CUBN: variants seen among roughly 807,000 people sequenced by gnomAD.
CUBN encodes 460 kDa receptor.
A neutral mutation model predicts 405.3 loss-of-function variants in CUBN; 282 were observed. That is an observed-to-expected ratio of 0.70 (90% CI 0.63 to 0.77). The LOEUF (loss-of-function observed/expected upper bound fraction) is 0.77, where lower values mean the gene tolerates loss of function less well. Ranked by LOEUF, CUBN falls within the 30% of genes least tolerant of loss-of-function variation. CUBN has a pLI of 0.00. For missense variants in CUBN, 4,514 were observed against 4,475.2 expected (o/e 1.01, Z -0.25); for synonymous variants, 1,684 against 1,617.0 (o/e 1.04, Z -0.99).
chr10:16,844,233 C>T (rs1359105662), intron 60 of CUBN, among the ~76,000 whole-genome samples: 1 of 142,122 alleles, frequency 7.0e-6, no homozygotes, highest in Non-Finnish European at 1.5e-5. Context: ...CGCACCACTG[C>T]ATTCCAGCCT....
intron 22 of CUBN, among the ~76,000 whole-genome samples, chr10:17,054,210 A>C (rs1395424322): frequency 6.6e-6 from 1 of 151,816 alleles, no homozygotes; most frequent in Non-Finnish European, 1.5e-5. Flanking sequence ...GAGCGCCTGT[A>C]ATCCCAGCTA....
chr10:16,901,960 C>T (rs1379169783), intron 51 of CUBN, among the ~76,000 whole-genome samples: 3 of 128,136 alleles, frequency 2.3e-5, no homozygotes, highest in Non-Finnish European at 5.0e-5. Context: ...TATATATATA[C>T]ACCATATATA....
At position 16,888,683 on chromosome 10, in the gene CUBN, C is replaced by T. The variant is rs1840896062; in HGVS notation, c.8756-117G>A. 12 of 856,896 alleles carry T rather than the reference C, an allele frequency of 1.4e-5. No individual in the cohort carries two copies. In the Admixed American group the frequency reaches 1.9e-4, roughly 14 times the overall value. The allele number at this position is 856,896 out of a possible 1,614,324, so 53.1% of individuals were successfully genotyped here. ...ATAGACATAGTTCCCTGAGATATTC[C>T]AAATGGAAGAAGCAAGAATGAAGAG... On this transcript the variant is annotated intron_variant, in intron 55 of 66. Coordinates refer to ENST00000377833, the MANE Select transcript of CUBN (RefSeq NM_001081.4).
chr10:16,942,828 A>C (rs1371309648), intron 36 of CUBN, among the ~76,000 whole-genome samples: 1 of 136,906 alleles, frequency 7.3e-6, no homozygotes, highest in African/African-American at 2.8e-5. Context: ...GGGAAGGGAA[A>C]AGGAAGGGAA....
chr10:16,942,996 T>C lies in CUBN; in HGVS notation c.5343-2759A>G, dbSNP rs2131612204. Reference sequence around the variant, plus strand: ...TTATCCATGGCAAGATTTTACTTTATGCTAAGTATAGTGCTCCCCTGGGGC... The same window carrying C: ...TTATCCATGGCAAGATTTTACTTTACGCTAAGTATAGTGCTCCCCTGGGGC... On this transcript the variant is annotated intron_variant, in intron 36 of 66. Coordinates refer to ENST00000377833, the MANE Select transcript of CUBN (RefSeq NM_001081.4). 2.0e-5 allele frequency among the ~76,000 whole-genome samples: 3 copies of C among 152,342 alleles called. No homozygotes were observed. In the South Asian group the frequency reaches 6.2e-4, roughly 32 times the overall value.
chr10:16,933,235 G>A lies in CUBN; in HGVS notation c.5976C>T (p.Phe1992=). The change falls in exon 40 of 67, where the codon TTC becomes TTT. Residue 1992 remains phenylalanine (F), a synonymous_variant. Coordinates refer to ENST00000377833, the MANE Select transcript of CUBN (RefSeq NM_001081.4). ...TGTAACTGTCAGGCCAGCCCGGGGA[G>A]AAGAGAAACACGGGTGCATCTCCCG... ...LRTGDAPVFL[F]SPGWPDSYSN... is the part of the protein sequence containing the mutation. 1 of 1,614,022 alleles carries A rather than the reference G, an allele frequency of 6.2e-7. No individual in the cohort carries two copies. Among genetic ancestry groups the A allele is most frequent in the Non-Finnish European group, 8.5e-7 (1 of 1,179,970 alleles).
intron 22 of CUBN, among the ~76,000 whole-genome samples, chr10:17,057,988 G>A (rs1489376568): frequency 1.3e-5 from 2 of 152,040 alleles, no homozygotes; most frequent in South Asian, 2.1e-4. Flanking sequence ...CGGGCATGGT[G>A]GCGCGCACCT....
intron 33 of CUBN, among the ~76,000 whole-genome samples, chr10:16,950,710 C>A (rs1186772153): frequency 6.6e-6 from 1 of 152,198 alleles, no homozygotes; most frequent in Non-Finnish European, 1.5e-5. Context: ...CCTGTGGCAT[C>A]TGAAACACTG....
intron 14 of CUBN, among the ~76,000 whole-genome samples, chr10:17,089,453 G>C (rs1010514802): frequency 6.6e-6 from 1 of 152,078 alleles, no homozygotes; most frequent in African/African-American, 2.4e-5. Context: ...CATGAATAGA[G>C]TGCACTGAAA....
intron 48 of CUBN, among the ~76,000 whole-genome samples, chr10:16,911,226 T>C (rs1841722003): frequency 6.6e-6 from 1 of 152,168 alleles, no homozygotes; most frequent in Non-Finnish European, 1.5e-5. Context: ...TATTATTCCT[T>C]AGGAAAACAA....
At chr10:17,109,760 TA>T (rs1564518956) in intron 9 of CUBN, 25 bp from the exon 10 acceptor site, 1 of 1,575,604 alleles carries the variant, frequency 6.3e-7, no homozygotes, top group Middle Eastern at 1.8e-4. Flanking sequence ...AGCCAGGTCA[TA>T]AGAAACAATG....
Position 17,100,120 on chromosome 10 carries a change from G to A in CUBN, c.1650C>T (p.Gly550=), listed in dbSNP as rs1387970243. The part of the protein sequence containing the change: ...SSAFQLGRFC[G]SSLPHELLSS... ...TGAGGAGTTCATGAGGGAGGCTGGA[G>A]CCACAAAATCTTCCAAGTTGAAAAG... The change falls in exon 14 of 67, where the codon GGC becomes GGT. Residue 550 remains glycine, a synonymous_variant. Coordinates refer to ENST00000377833, the MANE Select transcript of CUBN (RefSeq NM_001081.4). 3 of 1,613,744 alleles carry A rather than the reference G, an allele frequency of 1.9e-6. No individual in the cohort carries two copies. Among genetic ancestry groups the A allele is most frequent in the Non-Finnish European group, 1.7e-6 (2 of 1,179,698 alleles).
intron 48 of CUBN, among the ~76,000 whole-genome samples, chr10:16,908,780 T>C (rs1328404418): frequency 6.6e-6 from 1 of 152,196 alleles, no homozygotes; most frequent in Non-Finnish European, 1.5e-5. Context: ...TTAAAAGGAT[T>C]TGAATGACTC....
chr10:17,004,674 CTTT>C (rs10637688), intron 28 of CUBN, among the ~76,000 whole-genome samples: 1 of 141,142 alleles, frequency 7.1e-6, no homozygotes, highest in African/African-American at 2.6e-5. Flanking sequence ...CTAAATAGCT[CTTT>C]TTTTTTTTTT....
intron 29 of CUBN, among the ~76,000 whole-genome samples, chr10:16,989,955 A>G (rs1194548793): frequency 6.6e-6 from 1 of 152,156 alleles, no homozygotes; most frequent in Non-Finnish European, 1.5e-5. Context: ...GTCCTTACCA[A>G]TGGGAACCAG....
chr10:17,004,810 C>T (rs568334525), intron 28 of CUBN, among the ~76,000 whole-genome samples: 164 of 152,000 alleles, frequency 1.1e-3, no homozygotes, highest in Non-Finnish European at 1.7e-3. Flanking sequence ...GCTAGGATTA[C>T]AGGCACGCAC....
chr10:17,074,100 T>C (rs1393930906), intron 17 of CUBN, among the ~76,000 whole-genome samples: 1 of 152,214 alleles, frequency 6.6e-6, no homozygotes, highest in Non-Finnish European at 1.5e-5. Flanking sequence ...ATTCATTCAC[T>C]TCATTAACAT....
At chr10:16,834,609 T>G (rs1205384461) in intron 64 of CUBN, among the ~76,000 whole-genome samples, 3 of 152,232 alleles carry the variant, frequency 2.0e-5, no homozygotes, top group Non-Finnish European at 4.4e-5. Context: ...TTTAGTATCA[T>G]TGAGCTTCAT....
At position 17,023,888 on chromosome 10, in the gene CUBN, T is replaced by C. The variant is rs374475772; in HGVS notation, c.4018-3905A>G. 1.1e-4 allele frequency among the ~76,000 whole-genome samples: 17 copies of C among 152,248 alleles called. 2 individuals carry two copies. The highest frequency in any genetic ancestry group is 2.6e-4 in the Admixed American group (4 of 15,286). On this transcript the variant is annotated intron_variant, in intron 27 of 66. Transcript: ENST00000377833. ...TTAAATATATCTTCAGATGCGGAGA[T>C]GTGTATATTACAAAACCTTCCTCTG... is the stretch of plus-strand genomic sequence containing the variant.
Sources: allele counts gnomAD v4.1 joint callset (sites outside exome capture counted in the v4.1 genomes callset), GRCh38; gene constraint gnomAD v4.1.1; transcripts MANE v1.5; gene names NCBI Gene and HGNC (gene_info 2026-07-23, HGNC 2026-07-21).